The following HSD17B12 variants were observed in gnomAD, a reference collection of about 807,000 sequenced individuals.
The protein encoded by HSD17B12 is hydroxysteroid 17-beta dehydrogenase 12.
In HSD17B12, 32 loss-of-function variants were observed where a neutral mutation model predicts 39.3. The observed-to-expected ratio is 0.81, with a 90% confidence interval of 0.61 to 1.09. HSD17B12 has a LOEUF of 1.09. HSD17B12 is among the 50% of genes least tolerant of loss of function. HSD17B12 has a pLI of 0.00. For missense variants in HSD17B12, 342 were observed against 382.9 expected (o/e 0.89, Z 0.89); for synonymous variants, 150 against 146.7 (o/e 1.02, Z -0.16).
At chr11:43,677,181 G>A (rs1013457595), upstream of HSD17B12, among the ~76,000 whole-genome samples, 8 of 152,088 alleles carry the variant, frequency 5.3e-5, no homozygotes, top group African/African-American at 1.9e-4. Flanking sequence ...GAGAAGGGGG[G>A]GTTTGGGCAG....
intron 1 of HSD17B12, among the ~76,000 whole-genome samples, chr11:43,725,914 G>A (rs896936237): frequency 2.6e-5 from 4 of 152,086 alleles, no homozygotes; most frequent in African/African-American, 9.7e-5. Context: ...TGGAAGTTTT[G>A]GCAACAGTGC....
intron 1 of HSD17B12, among the ~76,000 whole-genome samples, chr11:43,685,087 CA>C (rs1158549320): frequency 6.6e-6 from 1 of 151,942 alleles, no homozygotes; most frequent in Non-Finnish European, 1.5e-5. Flanking sequence ...TCAGATTTCA[CA>C]AAAAAAGTCT....
the HSD17B12 span, among the ~76,000 whole-genome samples, chr11:43,626,144 A>G: frequency 6.6e-6 from 1 of 151,614 alleles, no homozygotes; most frequent in Admixed American, 6.6e-5. Flanking sequence ...ACCCGGTATT[A>G]TATCTGCTTG....
In HSD17B12 at chr11:43,838,400, TA is replaced by T; in HGVS notation, c.618+8del. 6.2e-7 allele frequency: 1 copy of T among 1,602,398 alleles called. No individual in the cohort carries two copies. Among genetic ancestry groups the T allele is most frequent in the Non-Finnish European group, 8.5e-7 (1 of 1,169,596 alleles). On this transcript the variant is annotated splice_donor_region_variant and intron_variant, in intron 8 of 10. Transcript: ENST00000278353. ...TTGACCATCTATTCTGCAACCAAGGTAAAAAATATTTTCTTAAATCATGTCA... is the reference window on the plus strand; with the variant it reads ...TTGACCATCTATTCTGCAACCAAGGTAAAAATATTTTCTTAAATCATGTCA...
the HSD17B12 span, among the ~76,000 whole-genome samples, chr11:43,627,065 A>G: frequency 6.6e-6 from 1 of 152,052 alleles, no homozygotes; most frequent in Non-Finnish European, 1.5e-5. Flanking sequence ...CTCGGATAAC[A>G]TAGCCCTTTT....
At chr11:43,569,637 C>T in the HSD17B12 span, 1 of 152,628 alleles carries the variant, frequency 6.6e-6, no homozygotes, top group Admixed American at 6.5e-5. Flanking sequence ...TTGCCCCCAT[C>T]CCCAGTAAAG....
chr11:43,669,508 A>AT, the HSD17B12 span, among the ~76,000 whole-genome samples: 1 of 151,890 alleles, frequency 6.6e-6, no homozygotes, highest in Non-Finnish European at 1.5e-5. Flanking sequence ...TTCAAAAAAA[A>AT]AAAAAAGAAT....
intron 3 of HSD17B12, among the ~76,000 whole-genome samples, chr11:43,782,301 C>T (rs1173492039): frequency 6.6e-6 from 1 of 152,228 alleles, no homozygotes; most frequent in Non-Finnish European, 1.5e-5. Flanking sequence ...CACTATCCAG[C>T]TTGAAGGGAT....
At chr11:43,822,426 G>A (rs557141330) in intron 6 of HSD17B12, among the ~76,000 whole-genome samples, 1 of 152,210 alleles carries the variant, frequency 6.6e-6, no homozygotes, top group East Asian at 1.9e-4. Context: ...TTGGTGTGCT[G>A]CACCCATTAA....
chr11:43,776,068 G>A (rs1362768869), intron 3 of HSD17B12, among the ~76,000 whole-genome samples: 31 of 152,098 alleles, frequency 2.0e-4, no homozygotes, highest in Non-Finnish European at 3.5e-4. Flanking sequence ...ATAAACATAC[G>A]TGTGCATGCG....
intron 3 of HSD17B12, among the ~76,000 whole-genome samples, chr11:43,784,878 C>T (rs1054464543): frequency 2.6e-5 from 4 of 152,092 alleles, no homozygotes; most frequent in Admixed American, 2.6e-4. Flanking sequence ...TTTTAGTGAG[C>T]AGCATAGTAT....
Position 43,798,337 on chromosome 11 carries a change from G to A in HSD17B12, c.301G>A (p.Glu101Lys), listed in dbSNP as rs1219758259. ...TTCCCTAGAAGAAAAATTCAAAGTGGAGACAAGAACCATTGCTGTTGACTT... is the reference window on the plus strand; with the variant it reads ...TTCCCTAGAAGAAAAATTCAAAGTGAAGACAAGAACCATTGCTGTTGACTT... ...SSEIKEKFKV[E>K]TRTIAVDFAS... is the part of the protein sequence containing the mutation. The change falls in exon 4 of 11, where the codon GAG becomes AAG. Residue 101 changes from glutamate (E) to lysine (K), a missense_variant. Coordinates refer to ENST00000278353, the MANE Select transcript of HSD17B12 (RefSeq NM_016142.3). 1 of 1,609,254 alleles carries A rather than the reference G, an allele frequency of 6.2e-7. No individual in the cohort carries two copies. The highest frequency in any genetic ancestry group is 1.7e-5 in the Admixed American group (1 of 59,654).
chr11:43,713,591 G>A lies in HSD17B12; in HGVS notation c.160+32604G>A, dbSNP rs111238243. Among the ~76,000 whole-genome samples the A allele has an allele frequency of 5.4e-3, 815 of 152,134 alleles. 4 individuals carry two copies. The highest frequency in any genetic ancestry group is 0.018 in the African/African-American group (767 of 41,496). On this transcript the variant is annotated intron_variant, in intron 1 of 10. Transcript: ENST00000278353. ...GTGAATAGTGCTGCAGTAAACATACGTGTGCATGTGTCTTTATAGCAGCAT... is the reference window on the plus strand; with the variant it reads ...GTGAATAGTGCTGCAGTAAACATACATGTGCATGTGTCTTTATAGCAGCAT...
At chr11:43,794,364 C>G (rs1237459941) in intron 3 of HSD17B12, among the ~76,000 whole-genome samples, 1 of 152,184 alleles carries the variant, frequency 6.6e-6, no homozygotes, top group African/African-American at 2.4e-5. Flanking sequence ...GGGAATGCCA[C>G]ATTGTCATTC....
At chr11:43,593,655 C>T in the HSD17B12 span, among the ~76,000 whole-genome samples, 5 of 151,774 alleles carry the variant, frequency 3.3e-5, no homozygotes, top group Admixed American at 6.6e-5. Context: ...AGAAGAAAAG[C>T]AGTAAGAAAT....
chr11:43,771,858 T>C (rs1377569012), intron 3 of HSD17B12, among the ~76,000 whole-genome samples: 4 of 152,300 alleles, frequency 2.6e-5, no homozygotes, highest in Middle Eastern at 6.8e-3. Flanking sequence ...TTTCTCAAGA[T>C]CATATTACAA....
chr11:43,557,758 AAACTCG>A, the HSD17B12 span, among the ~76,000 whole-genome samples: 1 of 152,090 alleles, frequency 6.6e-6, no homozygotes, highest in Non-Finnish European at 1.5e-5. Context: ...TGAAGGGTTA[AAACTCG>A]GGGGCGGCAG....
At chr11:43,662,416 T>TGTGTGC in the HSD17B12 span, among the ~76,000 whole-genome samples, 1 of 149,642 alleles carries the variant, frequency 6.7e-6, no homozygotes, top group African/African-American at 2.5e-5. Context: ...TGTGTGTGTG[T>TGTGTGC]GTATTTTTAG....
intron 1 of HSD17B12, chr11:43,733,825 G>A: frequency 1.4e-6 from 1 of 697,588 alleles, no homozygotes; most frequent in African/African-American, 1.8e-5. Flanking sequence ...AGGAGGTGTG[G>A]TAAACTCTGC....
Sources: allele counts gnomAD v4.1 joint callset (sites outside exome capture counted in the v4.1 genomes callset), GRCh38; gene constraint gnomAD v4.1.1; transcripts MANE v1.5; gene names NCBI Gene and HGNC (gene_info 2026-07-23, HGNC 2026-07-21).